Variants in CACNG3 observed in about 807,000 individuals in gnomAD.
CACNG3 encodes calcium voltage-gated channel auxiliary subunit gamma 3.
Under a neutral mutation model 28.5 loss-of-function variants are expected in CACNG3, and 3 were observed. That is an observed-to-expected ratio of 0.11 (90% CI 0.05 to 0.27). CACNG3 has a LOEUF of 0.27. CACNG3 is among the 10% of genes least tolerant of loss of function. CACNG3 has a pLI of 1.00. For missense variants in CACNG3, 236 were observed against 414.4 expected (o/e 0.57, Z 3.74); for synonymous variants, 174 against 162.2 (o/e 1.07, Z -0.55).
At chr16:24,355,086 T>C (rs950246399) in intron 3 of CACNG3, 113 bp downstream of exon 3, 2 of 1,053,788 alleles carry the variant, frequency 1.9e-6, no homozygotes, top group Non-Finnish European at 2.8e-6. Context: ...CAAGAAAATG[T>C]TCCAGTTGTG....
chr16:24,344,180 C>T (rs1342453145), intron 1 of CACNG3, among the ~76,000 whole-genome samples: 2 of 152,042 alleles, frequency 1.3e-5, no homozygotes, highest in Non-Finnish European at 2.9e-5. Context: ...ATCTGTAATC[C>T]CAGTGCTTTG....
At chr16:24,329,938 A>C (rs1157092204) in intron 1 of CACNG3, among the ~76,000 whole-genome samples, 2 of 152,184 alleles carry the variant, frequency 1.3e-5, no homozygotes, top group Non-Finnish European at 2.9e-5. Context: ...TGGGAGGCTG[A>C]GGCACGAGAA....
intron 1 of CACNG3, among the ~76,000 whole-genome samples, chr16:24,310,647 T>G (rs1380853464): frequency 6.6e-6 from 1 of 152,232 alleles, no homozygotes; most frequent in Non-Finnish European, 1.5e-5. Context: ...TTACCTCATT[T>G]AATCCTCACA....
At chr16:24,265,402 GA>G (rs1186199435) in intron 1 of CACNG3, among the ~76,000 whole-genome samples, 6 of 137,174 alleles carry the variant, frequency 4.4e-5, no homozygotes, top group Non-Finnish European at 4.6e-5. Context: ...AAGAAAGAAA[GA>G]AAAAGAAAGA....
intron 3 of CACNG3, among the ~76,000 whole-genome samples, chr16:24,356,871 C>A (rs979957061): frequency 6.6e-6 from 1 of 152,052 alleles, no homozygotes; most frequent in African/African-American, 2.4e-5. Context: ...GGAGGCCTCA[C>A]AACAATGGTG....
At chr16:24,307,213 C>T (rs1267988450) in intron 1 of CACNG3, among the ~76,000 whole-genome samples, 1 of 152,066 alleles carries the variant, frequency 6.6e-6, no homozygotes. Context: ...CTTCTGCCTC[C>T]CAGGTTCAAG....
intron 1 of CACNG3, among the ~76,000 whole-genome samples, chr16:24,294,067 TCTG>T (rs1354729989): frequency 2.6e-5 from 4 of 152,248 alleles, no homozygotes; most frequent in Admixed American, 2.6e-4. Context: ...TCTGAGAAAA[TCTG>T]CTGCTTCTGA....
chr16:24,344,307 G>T (rs964618594), intron 1 of CACNG3, among the ~76,000 whole-genome samples: 1 of 151,886 alleles, frequency 6.6e-6, no homozygotes, highest in African/African-American at 2.4e-5. Context: ...TGGTCGGGAG[G>T]CTGTGGCACA....
At chr16:24,282,263 C>T (rs116908390) in intron 1 of CACNG3, among the ~76,000 whole-genome samples, 196 of 152,192 alleles carry the variant, frequency 1.3e-3, no homozygotes, top group Middle Eastern at 3.4e-3. Flanking sequence ...ATCCTATGGC[C>T]GCCTTTTCTA....
At chr16:24,321,238 G>A (rs187837149) in intron 1 of CACNG3, among the ~76,000 whole-genome samples, 83 of 152,274 alleles carry the variant, frequency 5.5e-4, no homozygotes, top group African/African-American at 1.9e-3. Flanking sequence ...GGGAGGCTGA[G>A]GCGGGAGGAT....
chr16:24,305,318 ATATGTG>A (rs1228359560), intron 1 of CACNG3, among the ~76,000 whole-genome samples: 18 of 118,482 alleles, frequency 1.5e-4, no homozygotes, highest in East Asian at 2.5e-4. Context: ...ATATACATAA[ATATGTG>A]TGTGTGTGTG....
Position 24,361,281 on chromosome 16 carries a change from T to G in CACNG3, c.437-71T>G. The G allele has an allele frequency of 8.1e-7, 1 of 1,230,502 alleles. No homozygotes were observed. Among genetic ancestry groups the G allele is most frequent in the Non-Finnish European group, 1.1e-6 (1 of 874,498 alleles). The allele number at this position is 1,230,502 out of a possible 1,614,324, so 76.2% of individuals were successfully genotyped here. ...ATTACCTCCACATTTTCTATAAATA[T>G]TTTAAGATGGAAAGTGACAGTTCTC... On this transcript the variant is annotated intron_variant, in intron 3 of 3. Coordinates refer to ENST00000005284, the MANE Select transcript of CACNG3 (RefSeq NM_006539.4). This position sits in a 1 kb window ranked among gnomAD's most constrained non-coding sequence, Gnocchi z 6.8.
intron 2 of CACNG3, among the ~76,000 whole-genome samples, chr16:24,351,661 C>CAAAA (rs1555462397): frequency 2.7e-5 from 3 of 111,132 alleles, no homozygotes; most frequent in East Asian, 3.0e-4. Flanking sequence ...GAAAGACAGA[C>CAAAA]GAAAGAAAGA....
chr16:24,338,567 A>T (rs1899741228), intron 1 of CACNG3, among the ~76,000 whole-genome samples: 1 of 152,052 alleles, frequency 6.6e-6, no homozygotes, highest in Admixed American at 6.5e-5. Flanking sequence ...ATGGTCTCGA[A>T]CCCTTGACCT....
chr16:24,256,565 G>T lies in CACNG3; in HGVS notation c.-190G>T. On this transcript the variant is annotated 5_prime_UTR_variant, in exon 1 of 4. Coordinates refer to ENST00000005284, the MANE Select transcript of CACNG3 (RefSeq NM_006539.4). This position sits in a 1 kb window ranked among gnomAD's most constrained non-coding sequence, Gnocchi z 4.6. ...CTGCACCCTTCCGAGGGCCATAGGCGACCCAGGGAACTGGAGAGAGCTCCA... is the reference window on the plus strand; with the variant it reads ...CTGCACCCTTCCGAGGGCCATAGGCTACCCAGGGAACTGGAGAGAGCTCCA... 1.7e-6 allele frequency: 1 copy of T among 594,412 alleles called. No homozygotes were observed. The highest frequency in any genetic ancestry group is 2.0e-5 in the South Asian group (1 of 49,414). The allele number at this position is 594,412 out of a possible 1,614,324, so 36.8% of individuals were successfully genotyped here.
chr16:24,280,351 C>T (rs1177399864), intron 1 of CACNG3, among the ~76,000 whole-genome samples: 1 of 152,192 alleles, frequency 6.6e-6, no homozygotes, highest in African/African-American at 2.4e-5. Flanking sequence ...CTGCTTGAAG[C>T]TCTTGACTAG....
At chr16:24,299,616 T>G (rs1899079699) in intron 1 of CACNG3, among the ~76,000 whole-genome samples, 1 of 152,244 alleles carries the variant, frequency 6.6e-6, no homozygotes, top group Non-Finnish European at 1.5e-5. Flanking sequence ...GCAACCCATG[T>G]AAATAGACAC....
chr16:24,311,006 A>T (rs1178846819), intron 1 of CACNG3, among the ~76,000 whole-genome samples: 2 of 152,132 alleles, frequency 1.3e-5, no homozygotes, highest in African/African-American at 2.4e-5. Context: ...ATGTCCCTGC[A>T]CCCGTTTCCA....
rs146848670 is a variant in CACNG3 at position 24,275,158 on chromosome 16, G to A, written c.211+18193G>A. On this transcript the variant is annotated intron_variant, in intron 1 of 3. Transcript: ENST00000005284. ...GAGGATTGCTTGAGCCCAGGAGTTTGAGACCAGCCTGGGCAATACAGCAAG... is the reference window on the plus strand; with the variant it reads ...GAGGATTGCTTGAGCCCAGGAGTTTAAGACCAGCCTGGGCAATACAGCAAG... Among the ~76,000 whole-genome samples the A allele has an allele frequency of 6.5e-3, 987 of 151,850 alleles. 8 individuals are homozygous for A. The highest frequency in any genetic ancestry group is 0.022 in the African/African-American group (931 of 41,390).
Sources: gnomAD v4.1 joint callset for allele counts (sites outside exome capture counted in the v4.1 genomes callset) on GRCh38, gnomAD v4.1.1 for gene constraint, Gnocchi (gnomAD v3.1) non-coding constraint, MANE v1.5 for transcripts, NCBI Gene and HGNC (gene_info 2026-07-23, HGNC 2026-07-21) for gene names.